Variants in LMO3 observed in about 807,000 individuals in gnomAD.
LMO3 encodes LIM domain only 3, also known as LIM domain only protein 3.
LMO3 carries 2 observed loss-of-function variants against 15.8 expected under a neutral mutation model. That is an observed-to-expected ratio of 0.13 (90% CI 0.05 to 0.40). The LOEUF (loss-of-function observed/expected upper bound fraction) is 0.40. Among genes scored for constraint, LMO3 ranks in the 10% least tolerant of loss-of-function variants. The probability of loss-of-function intolerance (pLI) is 0.99; values close to 1 mark genes in which losing one functional copy is unlikely to be tolerated. For missense variants in LMO3, 86 were observed against 182.2 expected (o/e 0.47, Z 3.04); for synonymous variants, 62 against 63.8 (o/e 0.97, Z 0.13).
Position 16,560,754 on chromosome 12 carries a change from A to G in LMO3, c.207-216T>C, listed in dbSNP as rs773361894. On this transcript the variant is annotated intron_variant, in intron 2 of 3. Coordinates refer to ENST00000537304, the MANE Select transcript of LMO3 (RefSeq NM_018640.5). This position sits in a 1 kb window ranked among gnomAD's most constrained non-coding sequence, Gnocchi z 5.0. ...GAAAATCACATCTTGTTTGAGAAGA[A>G]AAGGAAAAGACAAATACATTAGGAA... The G allele has an allele frequency of 1.7e-6, 1 of 582,556 alleles. No homozygotes were observed. The highest frequency in any genetic ancestry group is 2.5e-5 in the Admixed American group (1 of 40,090). The allele number at this position is 582,556 out of a possible 1,614,324, so 36.1% of individuals were successfully genotyped here.
At chr12:16,565,591 A>T (rs1215077395) in intron 2 of LMO3, among the ~76,000 whole-genome samples, 1 of 152,216 alleles carries the variant, frequency 6.6e-6, no homozygotes, top group African/African-American at 2.4e-5. Flanking sequence ...GAATGTACAT[A>T]TAAAAATATA....
chr12:16,571,390 A>G (rs1328823946), intron 2 of LMO3, among the ~76,000 whole-genome samples: 1 of 152,078 alleles, frequency 6.6e-6, no homozygotes, highest in Non-Finnish European at 1.5e-5. Flanking sequence ...AATATCCAAC[A>G]CCATTTATCT....
At chr12:16,580,503 G>C (rs1021253898) in intron 2 of LMO3, among the ~76,000 whole-genome samples, 2 of 152,134 alleles carry the variant, frequency 1.3e-5, no homozygotes, top group African/African-American at 4.8e-5. Context: ...ATCTTGGATT[G>C]GATCTTGATT....
In LMO3 at chr12:16,597,381, T is replaced by C. The variant is rs1378074951; in HGVS notation, c.206+3274A>G. Among the ~76,000 whole-genome samples, 2 of 151,750 alleles carry C rather than the reference T, an allele frequency of 1.3e-5. No individual in the cohort carries two copies. The highest frequency in any genetic ancestry group is 3.0e-5 in the Non-Finnish European group (2 of 67,736). On this transcript the variant is annotated intron_variant, in intron 2 of 3. Coordinates refer to ENST00000537304, the MANE Select transcript of LMO3 (RefSeq NM_018640.5). This position sits in a 1 kb window ranked among gnomAD's most constrained non-coding sequence, Gnocchi z 5.0. ...ATTATTATATTTTCATATTATTTAATATCTCAAATCATCATTCAAAGAACT... is the reference window on the plus strand; with the variant it reads ...ATTATTATATTTTCATATTATTTAACATCTCAAATCATCATTCAAAGAACT...
Position 16,604,611 on chromosome 12 carries a change from T to C in LMO3, c.-9+1455A>G. 1.8e-6 allele frequency: 1 copy of C among 543,778 alleles called. No individual in the cohort carries two copies. The highest frequency in any genetic ancestry group is 2.5e-5 in the South Asian group (1 of 39,532). 33.7% of individuals were successfully genotyped at this position (543,778 alleles called of 1,614,324 possible). On this transcript the variant is annotated intron_variant, in intron 1 of 3. Coordinates refer to ENST00000537304, the MANE Select transcript of LMO3 (RefSeq NM_018640.5). The surrounding 1 kb of genome is among the most constrained non-coding windows in gnomAD (Gnocchi z 5.3). ...ACATACACTCTAACAAAGAATCCCT[T>C]GCGGAGTTTATGCTCCAGCCTTTTG...
chr12:16,603,687 TGAG>T lies in LMO3; in HGVS notation c.-9+2376_-9+2378del, dbSNP rs1943898848. On this transcript the variant is annotated intron_variant, in intron 1 of 3. Transcript: ENST00000537304. The surrounding 1 kb of genome is among the most constrained non-coding windows in gnomAD (Gnocchi z 4.9). ...TAGAACCATTTCATTTAAACTCTGG[TGAG>T]CTTTTAATTGCCTGGATTGCATTGT... 6.6e-6 allele frequency among the ~76,000 whole-genome samples: 1 copy of T among 152,212 alleles called. No individual in the cohort carries two copies. The highest frequency in any genetic ancestry group is 1.5e-5 in the Non-Finnish European group (1 of 68,040).
chr12:16,561,196 A>T (rs987781774), intron 2 of LMO3, among the ~76,000 whole-genome samples: 2 of 152,180 alleles, frequency 1.3e-5, no homozygotes, highest in Non-Finnish European at 2.9e-5. Flanking sequence ...TTTAAAAAAA[A>T]TTCCTATTTG....
chr12:16,570,401 TA>T (rs1171105703), intron 2 of LMO3, among the ~76,000 whole-genome samples: 2 of 152,186 alleles, frequency 1.3e-5, no homozygotes, highest in African/African-American at 2.4e-5. Flanking sequence ...GGTTTGAAAA[TA>T]TTTTTTTTTA....
Position 16,587,579 on chromosome 12 carries a change from G to A in LMO3, c.206+13076C>T, listed in dbSNP as rs566527400. ...GCCTACATGGTTGACTACCCTTGGTGTTAAATTTTCTTAAATTGTATTTCT... is the reference window on the plus strand; with the variant it reads ...GCCTACATGGTTGACTACCCTTGGTATTAAATTTTCTTAAATTGTATTTCT... On this transcript the variant is annotated intron_variant, in intron 2 of 3. Transcript: ENST00000537304. This position sits in a 1 kb window ranked among gnomAD's most constrained non-coding sequence, Gnocchi z 4.3. 6.6e-6 allele frequency among the ~76,000 whole-genome samples: 1 copy of A among 152,040 alleles called. No individual in the cohort carries two copies. Among genetic ancestry groups the A allele is most frequent in the Non-Finnish European group, 1.5e-5 (1 of 67,996 alleles).
At chr12:16,581,144 G>C (rs1358232630) in intron 2 of LMO3, among the ~76,000 whole-genome samples, 2 of 152,192 alleles carry the variant, frequency 1.3e-5, no homozygotes, top group African/African-American at 4.8e-5. Context: ...TTGAATGATT[G>C]AAAATTCAAT....
chr12:16,569,031 C>A (rs1942718469), intron 2 of LMO3, among the ~76,000 whole-genome samples: 1 of 152,120 alleles, frequency 6.6e-6, no homozygotes, highest in Non-Finnish European at 1.5e-5. Flanking sequence ...GATGACAATG[C>A]CCCACCTATT....
intron 2 of LMO3, among the ~76,000 whole-genome samples, chr12:16,561,426 ACAC>A (rs1325538361): frequency 6.6e-6 from 1 of 152,124 alleles, no homozygotes; most frequent in East Asian, 1.9e-4. Context: ...TAGATGAAAA[ACAC>A]CACATCTGCC....
At chr12:16,557,635 T>C (rs1942241985) in intron 3 of LMO3, among the ~76,000 whole-genome samples, 1 of 152,074 alleles carries the variant, frequency 6.6e-6, no homozygotes, top group Non-Finnish European at 1.5e-5. Flanking sequence ...ATATATGTCT[T>C]GTGGGAAAGT....
chr12:16,605,236 A>G, intron 1 of LMO3: 4 of 1,294,520 alleles, frequency 3.1e-6, no homozygotes, highest in Non-Finnish European at 3.9e-6. Flanking sequence ...GGATTTGATT[A>G]AACTGTCACA....
chr12:16,578,098 A>G (rs960759569), intron 2 of LMO3, among the ~76,000 whole-genome samples: 1 of 152,114 alleles, frequency 6.6e-6, no homozygotes, highest in African/African-American at 2.4e-5. Flanking sequence ...TGCTCACGGC[A>G]CCTCATCGCC....
intron 2 of LMO3, among the ~76,000 whole-genome samples, chr12:16,578,914 C>T (rs1183490848): frequency 5.9e-5 from 9 of 152,102 alleles, no homozygotes; most frequent in Non-Finnish European, 1.2e-4. Flanking sequence ...TGGTTCTATA[C>T]TTAACAAAGT....
chr12:16,581,235 A>T (rs1472641620), intron 2 of LMO3, among the ~76,000 whole-genome samples: 1 of 152,198 alleles, frequency 6.6e-6, no homozygotes, highest in Non-Finnish European at 1.5e-5. Flanking sequence ...ACTAGAGTAC[A>T]GCTCATAAGG....
In LMO3 at chr12:16,548,628, A is replaced by G. The variant is rs1941876468; in HGVS notation, c.*2594T>C. On this transcript the variant is annotated 3_prime_UTR_variant, in exon 4 of 4. Coordinates refer to ENST00000537304, the MANE Select transcript of LMO3 (RefSeq NM_018640.5). The surrounding 1 kb of genome is among the most constrained non-coding windows in gnomAD (Gnocchi z 4.2). ...GGTGTCCTACTGGAGGCATCAGACAACAAGCTAAATGACGTTAGGGCTACA... is the reference window on the plus strand; with the variant it reads ...GGTGTCCTACTGGAGGCATCAGACAGCAAGCTAAATGACGTTAGGGCTACA... 6.6e-6 allele frequency: 1 copy of G among 152,134 alleles called. No individual in the cohort carries two copies. The highest frequency in any genetic ancestry group is 2.4e-5 in the African/African-American group (1 of 41,436). The allele number at this position is 152,134 out of a possible 1,614,324, so 9.4% of individuals were successfully genotyped here. A position where few individuals can be genotyped will look rare whatever the true frequency, so the allele number is the denominator to read the frequency against.
rs1450313824 is a variant in LMO3 at position 16,589,203 on chromosome 12, A to G, written c.206+11452T>C. Among the ~76,000 whole-genome samples, 1 of 152,110 alleles carries G rather than the reference A, an allele frequency of 6.6e-6. No homozygotes were observed. The highest frequency in any genetic ancestry group is 2.4e-5 in the African/African-American group (1 of 41,438). ...GAACTCATGTAACTTTTTATTTTTTAATGAAGTGATATTCACAGAAGATTA... is the reference window on the plus strand; with the variant it reads ...GAACTCATGTAACTTTTTATTTTTTGATGAAGTGATATTCACAGAAGATTA... On this transcript the variant is annotated intron_variant, in intron 2 of 3. Transcript: ENST00000537304. This position sits in a 1 kb window ranked among gnomAD's most constrained non-coding sequence, Gnocchi z 4.2.
Sources: allele counts gnomAD v4.1 joint callset (sites outside exome capture counted in the v4.1 genomes callset), GRCh38; gene constraint gnomAD v4.1.1; non-coding constraint Gnocchi (gnomAD v3.1); transcripts MANE v1.5; gene names NCBI Gene and HGNC (gene_info 2026-07-23, HGNC 2026-07-21).